MAK: variants seen among roughly 807,000 people sequenced by gnomAD.
MAK encodes male germ cell associated kinase.
MAK carries 65 observed loss-of-function variants against 82.6 expected under a neutral mutation model. That is an observed-to-expected ratio of 0.79 (90% CI 0.64 to 0.97). The LOEUF is 0.97. Ranked by LOEUF, MAK falls within the 50% of genes least tolerant of loss-of-function variation. MAK has a pLI of 0.00. For missense variants in MAK, 703 were observed against 780.2 expected, an observed-to-expected ratio of 0.90 and a Z score of 1.18; for synonymous variants, 250 against 274.2, an observed-to-expected ratio of 0.91 and a Z score of 0.87.
Position 10,784,469 on chromosome 6 carries a change from G to C in MAK, c.1420C>G (p.Pro474Ala). ...TTCAAGTAGTACTGTTTAGAGGTTG[G>C]AGCAGTTGACAATTCGGAATCAGAT... ...LKSDSELSTA[P>A]TSKQYYLKQS... is the part of the protein sequence containing the mutation. Residue 474 changes from proline (P) to alanine (A), a missense_variant, in exon 11 of 15, where the codon CCA becomes GCA. Coordinates refer to ENST00000354489, the MANE Select transcript of MAK (RefSeq NM_001242957.3). The C allele has an allele frequency of 6.2e-7, 1 of 1,614,172 alleles. No homozygotes were observed. Among genetic ancestry groups the C allele is most frequent in the Non-Finnish European group, 8.5e-7 (1 of 1,180,020 alleles).
At chr6:10,784,040 A>G (rs1581670459) in intron 11 of MAK, among the ~76,000 whole-genome samples, 1 of 152,156 alleles carries the variant, frequency 6.6e-6, no homozygotes, top group East Asian at 1.9e-4. Flanking sequence ...AAAAACAAAC[A>G]AACAAAAAAA....
At chr6:10,837,469 C>G (rs1779221900) in intron 1 of MAK, among the ~76,000 whole-genome samples, 1 of 152,336 alleles carries the variant, frequency 6.6e-6, no homozygotes, top group African/African-American at 2.4e-5. Flanking sequence ...GGGGAACTTT[C>G]TCCCTCCCGG....
At chr6:10,779,763 C>A (rs1773798030) in intron 11 of MAK, among the ~76,000 whole-genome samples, 1 of 152,174 alleles carries the variant, frequency 6.6e-6, no homozygotes. Flanking sequence ...TGGCTCACTG[C>A]AACATCTGCC....
chr6:10,815,912 G>GTGTGTGTATATATATATATATATATA (rs1554184483), intron 4 of MAK, among the ~76,000 whole-genome samples: 64 of 108,254 alleles, frequency 5.9e-4, no homozygotes, highest in Non-Finnish European at 8.8e-4. Context: ...GCTTTATACA[G>GTGTGTGTATATATATATATATATATA]TATATATATA....
At chr6:10,783,824 T>A (rs1313502444) in intron 11 of MAK, among the ~76,000 whole-genome samples, 1 of 152,072 alleles carries the variant, frequency 6.6e-6, no homozygotes, top group African/African-American at 2.4e-5. Flanking sequence ...ATCGAGACCA[T>A]CCCGGCTAAC....
intron 8 of MAK, among the ~76,000 whole-genome samples, chr6:10,796,565 G>A (rs1274313222): frequency 6.6e-6 from 1 of 152,188 alleles, no homozygotes; most frequent in African/African-American, 2.4e-5. Context: ...TAGCACTTTG[G>A]GAGGATGAGG....
chr6:10,827,046 GGTT>G (rs1243777074), intron 2 of MAK, among the ~76,000 whole-genome samples: 2 of 152,200 alleles, frequency 1.3e-5, no homozygotes, highest in Non-Finnish European at 2.9e-5. Flanking sequence ...AGGAGGCAGA[GGTT>G]GTGGTGAGCT....
chr6:10,775,782 T>TTTTTG (rs781059587), intron 11 of MAK, among the ~76,000 whole-genome samples: 10 of 152,236 alleles, frequency 6.6e-5, no homozygotes, highest in South Asian at 4.2e-4. Flanking sequence ...CACGACGTTT[T>TTTTTG]TTTTGTTTTG....
intron 14 of MAK, 44 bp from the exon 15 acceptor site, chr6:10,764,650 T>G (rs1216707448): frequency 1.3e-6 from 2 of 1,555,550 alleles, no homozygotes; most frequent in Non-Finnish European, 1.8e-6. Flanking sequence ...ACTCATTTGC[T>G]TATCAAACTC....
intron 2 of MAK, among the ~76,000 whole-genome samples, chr6:10,822,008 G>A (rs960656921): frequency 7.3e-5 from 11 of 149,776 alleles, no homozygotes; most frequent in African/African-American, 2.7e-4. Context: ...TTAGCCAGGC[G>A]TGGTGGCGGG....
chr6:10,784,698 T>C (rs932515775), intron 10 of MAK, 126 bp from the exon 11 acceptor site: 2 of 852,228 alleles, frequency 2.3e-6, no homozygotes, highest in Non-Finnish European at 3.9e-6. Flanking sequence ...CTTAAATGGT[T>C]TCCATCAGTC....
At chr6:10,783,293 G>C (rs1419230012) in intron 11 of MAK, among the ~76,000 whole-genome samples, 7 of 152,094 alleles carry the variant, frequency 4.6e-5, no homozygotes, top group Non-Finnish European at 8.8e-5. Context: ...GCAGGCACAT[G>C]ATAAACTCCC....
In MAK at chr6:10,815,942, ATAT is replaced by A. The variant is rs1561991991; in HGVS notation, c.278+1905_278+1907del. On this transcript the variant is annotated intron_variant, in intron 4 of 14. Transcript: ENST00000354489. ...TATATATATATATATATATATATAT[ATAT>A]ATGTATGTTTTCTTTTTTGTTTGAG... Among the ~76,000 whole-genome samples, 54 of 96,606 alleles carry A rather than the reference ATAT, an allele frequency of 5.6e-4. 4 individuals carry two copies. Among genetic ancestry groups the A allele is most frequent in the African/African-American group, 1.9e-3 (54 of 28,352 alleles). 63.4% of individuals were successfully genotyped at this position (96,606 alleles called of 152,430 possible).
At position 10,796,304 on chromosome 6, in the gene MAK, C is replaced by T; in HGVS notation, c.837G>A (p.Leu279=). 6.2e-7 allele frequency: 1 copy of T among 1,611,774 alleles called. No homozygotes were observed. Among genetic ancestry groups the T allele is most frequent in the Non-Finnish European group, 8.5e-7 (1 of 1,179,084 alleles). Residue 279 remains leucine (L), a synonymous_variant, in exon 9 of 15, where the codon TTG becomes TTA. Transcript: ENST00000354489. ...GACCAACTTGAAAATATGGGTGTTT[C>T]AATGCCTATAAAAACACAGAGAAAA... The part of the protein sequence containing the change: ...PKKRPTASQA[L]KHPYFQVGQV...
chr6:10,807,092 T>G (rs560365752), intron 6 of MAK, among the ~76,000 whole-genome samples: 108 of 152,188 alleles, frequency 7.1e-4, no homozygotes, highest in African/African-American at 2.4e-3. Flanking sequence ...TGCCCTTGTT[T>G]CCTACGACTG....
At chr6:10,799,916 C>T (rs984815451) in intron 8 of MAK, among the ~76,000 whole-genome samples, 2 of 152,166 alleles carry the variant, frequency 1.3e-5, no homozygotes, top group Non-Finnish European at 2.9e-5. Flanking sequence ...GGTGTGGTGG[C>T]AGGCACCTGT....
intron 7 of MAK, 60 bp from the exon 8 acceptor site, chr6:10,802,119 C>A: frequency 7.2e-7 from 1 of 1,386,284 alleles, no homozygotes; most frequent in African/African-American, 1.4e-5. Flanking sequence ...TTTAGTAATC[C>A]ATTTAAAAAA....
At chr6:10,802,212 G>A (rs149385015) in intron 7 of MAK, 153 bp from the exon 8 acceptor site, 82 of 622,650 alleles carry the variant, frequency 1.3e-4, no homozygotes, top group East Asian at 1.2e-3. Context: ...ACCAGACCAC[G>A]TCTATAATTT....
intron 14 of MAK, among the ~76,000 whole-genome samples, chr6:10,769,377 C>G (rs913708439): frequency 6.6e-6 from 1 of 152,206 alleles, no homozygotes; most frequent in African/African-American, 2.4e-5. Flanking sequence ...GGCTTAAGTA[C>G]AGAATCATCA....
Sources: gnomAD v4.1 joint callset for allele counts (sites outside exome capture counted in the v4.1 genomes callset) on GRCh38, gnomAD v4.1.1 for gene constraint, MANE v1.5 for transcripts, NCBI Gene and HGNC (gene_info 2026-07-23, HGNC 2026-07-21) for gene names.